ENPEP: variants seen among roughly 807,000 people sequenced by gnomAD.
ENPEP encodes glutamyl aminopeptidase.
A neutral mutation model predicts 114.5 loss-of-function variants in ENPEP; 103 were observed. The observed-to-expected ratio is 0.90, with a 90% confidence interval of 0.77 to 1.06. The LOEUF is 1.06. Among genes scored for constraint, ENPEP ranks in the 50% least tolerant of loss-of-function variants. The probability of loss-of-function intolerance (pLI) is 0.00; values close to 1 mark genes in which losing one functional copy is unlikely to be tolerated. For synonymous variants in ENPEP, 420 were observed against 422.0 expected, an observed-to-expected ratio of 1.00 and a Z score of 0.06; for missense variants, 1,196 against 1,161.3, an observed-to-expected ratio of 1.03 and a Z score of -0.43.
rs188647043 is a variant in ENPEP, at chr4:110,503,343, C to T, written c.919-3294C>T. 2.5e-3 allele frequency among the ~76,000 whole-genome samples: 387 copies of T among 152,246 alleles called. 2 individuals are homozygous for T. The highest frequency in any genetic ancestry group is 4.6e-3 in the Non-Finnish European group (310 of 68,014). On this transcript the variant is annotated intron_variant, in intron 3 of 19. Transcript: ENST00000265162. Reference sequence around the variant, plus strand: ...ATTCTGCTGTTAATAATTGTGATTTCATTATGAAATTCCTGTAGTGTGTTT... The same window carrying T: ...ATTCTGCTGTTAATAATTGTGATTTTATTATGAAATTCCTGTAGTGTGTTT...
chr4:110,531,510 C>T, intron 11 of ENPEP, among the ~76,000 whole-genome samples: 1 of 152,098 alleles, frequency 6.6e-6, no homozygotes, highest in East Asian at 1.9e-4. Flanking sequence ...ATACCCATAT[C>T]CAAAGGAGAA....
At chr4:110,535,873 C>A (rs1043293996) in intron 11 of ENPEP, among the ~76,000 whole-genome samples, 2 of 152,032 alleles carry the variant, frequency 1.3e-5, no homozygotes, top group Non-Finnish European at 2.9e-5. Context: ...TGAGGCAAGA[C>A]CCTCTATCAG....
At chr4:110,531,316 A>T in intron 11 of ENPEP, 39 bp downstream of exon 11, 7 of 1,353,722 alleles carry the variant, frequency 5.2e-6, no homozygotes, top group Non-Finnish European at 5.9e-6. Flanking sequence ...CTTTGAATTG[A>T]TGTACCACAT....
intron 1 of ENPEP, among the ~76,000 whole-genome samples, chr4:110,487,485 A>G (rs1724548382): frequency 6.6e-6 from 1 of 152,200 alleles, no homozygotes; most frequent in African/African-American, 2.4e-5. Context: ...CAGCTAGAAA[A>G]ATGTCTGCAA....
Position 110,563,494 on chromosome 4 carries a change from AAAC to A in ENPEP, c.*1941_*1943del, listed in dbSNP as rs940020412. 14 of 152,178 alleles carry A rather than the reference AAAC, an allele frequency of 9.2e-5. No individual in the cohort carries two copies. The highest frequency in any genetic ancestry group is 3.4e-4 in the African/African-American group (14 of 41,448). 9.4% of individuals were successfully genotyped at this position (152,178 alleles called of 1,614,324 possible). On this transcript the variant is annotated 3_prime_UTR_variant, in exon 20 of 20. Transcript: ENST00000265162. ...TCTTCTAGACCATCAGGTCCTTCTC[AAAC>A]AACACCTGTTTTTTAAAAGGCTGAT...
chr4:110,495,759 TGGCACGA>T (rs1229034943), intron 3 of ENPEP, among the ~76,000 whole-genome samples: 3 of 152,052 alleles, frequency 2.0e-5, no homozygotes, highest in African/African-American at 4.8e-5. Context: ...AAATAATAAA[TGGCACGA>T]GTGATTTCGT....
chr4:110,537,827 T>G (rs1012974013), intron 11 of ENPEP, among the ~76,000 whole-genome samples: 6 of 152,228 alleles, frequency 3.9e-5, no homozygotes, highest in African/African-American at 1.2e-4. Context: ...GATACTGTGT[T>G]AGCAGCTGTG....
chr4:110,539,096 G>T (rs993378860), intron 11 of ENPEP, among the ~76,000 whole-genome samples: 1 of 152,182 alleles, frequency 6.6e-6, no homozygotes, highest in African/African-American at 2.4e-5. Flanking sequence ...TTGCAAGAAT[G>T]ATCAAAATGT....
chr4:110,505,975 C>T (rs1404281985), intron 3 of ENPEP, among the ~76,000 whole-genome samples: 5 of 152,242 alleles, frequency 3.3e-5, no homozygotes, highest in Non-Finnish European at 5.9e-5. Context: ...CATAAGGACA[C>T]AAAGTAGTGA....
chr4:110,524,938 T>C lies in ENPEP; in HGVS notation c.1727+4572T>C, dbSNP rs189600509. Among the ~76,000 whole-genome samples the C allele has an allele frequency of 3.2e-3, 494 of 152,208 alleles. 4 individuals are homozygous for C. The highest frequency in any genetic ancestry group is 0.011 in the African/African-American group (447 of 41,544). ...CATGCCCAGCTAATGTGTAAAAAAGTTTTTGTAGAGAAAAGGTTGTTCAGG... is the reference window on the plus strand; with the variant it reads ...CATGCCCAGCTAATGTGTAAAAAAGCTTTTGTAGAGAAAAGGTTGTTCAGG... On this transcript the variant is annotated intron_variant, in intron 10 of 19. Transcript: ENST00000265162.
At chr4:110,559,850 C>T (rs1727620265) in intron 19 of ENPEP, 125 bp downstream of exon 19, 4 of 715,480 alleles carry the variant, frequency 5.6e-6, no homozygotes, top group Non-Finnish European at 4.8e-6. Flanking sequence ...TAGGTATACA[C>T]GTGCCATGGT....
In ENPEP at chr4:110,509,524, A is replaced by G. The variant is rs1051440298; in HGVS notation, c.1040-129A>G. On this transcript the variant is annotated intron_variant, in intron 4 of 19. Coordinates refer to ENST00000265162, the MANE Select transcript of ENPEP (RefSeq NM_001977.4). ...CTGAAATGTTCGCACACATGATTAC[A>G]GTTCTTTACTCTAAGAAATTATTTT... 16 of 1,203,806 alleles carry G rather than the reference A, an allele frequency of 1.3e-5. No individual in the cohort carries two copies. In the Admixed American group the frequency reaches 4.7e-4, roughly 35 times the overall value. The allele number at this position is 1,203,806 out of a possible 1,614,324, so 74.6% of individuals were successfully genotyped here. A position where few individuals can be genotyped will look rare whatever the true frequency, so the allele number is the denominator to read the frequency against.
At chr4:110,505,960 T>A (rs1294475009) in intron 3 of ENPEP, among the ~76,000 whole-genome samples, 1 of 152,226 alleles carries the variant, frequency 6.6e-6, no homozygotes, top group Non-Finnish European at 1.5e-5. Context: ...ATTTATAAAT[T>A]ATGTCATAAG....
chr4:110,500,537 A>ATT (rs1366123667), intron 3 of ENPEP, among the ~76,000 whole-genome samples: 1 of 152,214 alleles, frequency 6.6e-6, no homozygotes, highest in Non-Finnish European at 1.5e-5. Flanking sequence ...TAAACTTCAT[A>ATT]TTTATGTTTA....
rs58571405 is a variant in ENPEP at position 110,560,515 on chromosome 4, AT to A, written c.2721+798del. On this transcript the variant is annotated intron_variant, in intron 19 of 19. Coordinates refer to ENST00000265162, the MANE Select transcript of ENPEP (RefSeq NM_001977.4). ...CTTGTATCTAATAAAATGTACACCT[AT>A]TTTTTTTCTAAACATAAAACAATTC... Among the ~76,000 whole-genome samples the A allele has an allele frequency of 8.5e-5, 13 of 152,078 alleles. No homozygotes were observed. In the East Asian group the frequency reaches 2.1e-3, roughly 25 times the overall value.
Position 110,491,148 on chromosome 4 carries a change from C to T in ENPEP, c.902C>T (p.Ser301Leu), listed in dbSNP as rs1448533095. 7 of 1,603,580 alleles carry T rather than the reference C, an allele frequency of 4.4e-6. No individual in the cohort carries two copies. In the East Asian group the frequency reaches 9.0e-5, roughly 21 times the overall value. ...VHQFDSVKRISNSGKPLTIYV... is the reference protein window; with the variant it reads ...VHQFDSVKRILNSGKPLTIYV... ...CAATTTGACTCTGTAAAGAGAATATCAAATAGTGGAAAACCTGTGAGTCTC... is the reference window on the plus strand; with the variant it reads ...CAATTTGACTCTGTAAAGAGAATATTAAATAGTGGAAAACCTGTGAGTCTC... Residue 301 changes from serine (S) to leucine (L), a missense_variant, in exon 3 of 20, where the codon TCA becomes TTA. By Grantham distance (145) the Ser-to-Leu change is moderately radical. Coordinates refer to ENST00000265162, the MANE Select transcript of ENPEP (RefSeq NM_001977.4).
intron 8 of ENPEP, among the ~76,000 whole-genome samples, chr4:110,518,210 A>G (rs990050000): frequency 3.9e-5 from 6 of 152,238 alleles, no homozygotes; most frequent in African/African-American, 1.4e-4. Context: ...CTATACATGT[A>G]CATAAAAGAT....
intron 10 of ENPEP, among the ~76,000 whole-genome samples, chr4:110,527,613 T>C (rs1295939664): frequency 2.0e-5 from 3 of 152,208 alleles, no homozygotes; most frequent in Non-Finnish European, 2.9e-5. Flanking sequence ...ATAATTCAAC[T>C]ACGAAAATCA....
chr4:110,547,722 C>A (rs1376129254), intron 13 of ENPEP, among the ~76,000 whole-genome samples: 2 of 151,932 alleles, frequency 1.3e-5, no homozygotes, highest in Non-Finnish European at 2.9e-5. Context: ...ATGTTTTAAG[C>A]ATTCAGGATT....
Sources: gnomAD v4.1 joint callset for allele counts (sites outside exome capture counted in the v4.1 genomes callset) on GRCh38, gnomAD v4.1.1 for gene constraint, MANE v1.5 for transcripts, NCBI Gene and HGNC (gene_info 2026-07-23, HGNC 2026-07-21) for gene names.